The following SYNCRIP variants were observed in gnomAD, a reference collection of about 807,000 sequenced individuals.
SYNCRIP encodes synaptotagmin binding cytoplasmic RNA interacting protein, also known as heterogeneous nuclear ribonucleoprotein Q.
Under a neutral mutation model 68.9 loss-of-function variants are expected in SYNCRIP, and 9 were observed. The ratio of observed to expected loss-of-function variants is 0.13; its 90% confidence interval spans 0.08 to 0.23. The LOEUF (loss-of-function observed/expected upper bound fraction) is 0.23. Ranked by LOEUF, SYNCRIP falls within the 10% of genes least tolerant of loss-of-function variation. The pLI is 1.00. For missense variants in SYNCRIP, 414 were observed against 770.6 expected, an observed-to-expected ratio of 0.54 and a Z score of 5.48; for synonymous variants, 258 against 254.0, an observed-to-expected ratio of 1.02 and a Z score of -0.15.
At chr6:85,637,585 C>T (rs1242509133) in intron 4 of SYNCRIP, among the ~76,000 whole-genome samples, 1 of 152,204 alleles carries the variant, frequency 6.6e-6, no homozygotes, top group Non-Finnish European at 1.5e-5. Context: ...CTAGTCTCCA[C>T]TTAATTACTG....
In SYNCRIP at chr6:85,614,984, G is replaced by A. The variant is rs555193893; in HGVS notation, c.1644C>T (p.Arg548=). Reference sequence around the variant, plus strand: ...GGCCACCCCTCGCACCACGTACCCCGCGGCCTCTTTGTTGTTGGGCACCTC... The same window carrying A: ...GGCCACCCCTCGCACCACGTACCCCACGGCCTCTTTGTTGTTGGGCACCTC... ...ARGGAQQQRG[R]GVRGARGGRG... The change falls in exon 11 of 11, where the codon CGC becomes CGT. Residue 548 remains arginine (R), a synonymous_variant. Transcript: ENST00000369622. The A allele has an allele frequency of 5.5e-5, 89 of 1,613,386 alleles. 4 individuals carry two copies. In the South Asian group the frequency reaches 8.5e-4, roughly 15 times the overall value.
At chr6:85,618,388 AAC>A (rs970411441) in intron 10 of SYNCRIP, among the ~76,000 whole-genome samples, 11 of 151,850 alleles carry the variant, frequency 7.2e-5, no homozygotes, top group Non-Finnish European at 1.6e-4. Flanking sequence ...TAAAAAAAAA[AAC>A]ACAAAAATTA....
downstream of SYNCRIP, among the ~76,000 whole-genome samples, chr6:85,613,490 G>A (rs1805423996): frequency 6.6e-6 from 1 of 152,110 alleles, no homozygotes; most frequent in African/African-American, 2.4e-5. Flanking sequence ...TGTTGACCTA[G>A]AGTCTGTCCC....
intron 4 of SYNCRIP, among the ~76,000 whole-genome samples, chr6:85,638,856 C>G (rs1439097872): frequency 6.6e-6 from 1 of 152,162 alleles, no homozygotes; most frequent in African/African-American, 2.4e-5. Context: ...AACTTATTCC[C>G]TCTGTCAAAC....
At position 85,614,499 on chromosome 6, in the gene SYNCRIP, T is replaced by A; in HGVS notation, c.*257A>T. The A allele has an allele frequency of 8.6e-7, 1 of 1,168,898 alleles. No homozygotes were observed. The highest frequency in any genetic ancestry group is 1.1e-6 in the Non-Finnish European group (1 of 947,826). 72.4% of individuals were successfully genotyped at this position (1,168,898 alleles called of 1,614,324 possible). A position where few individuals can be genotyped will look rare whatever the true frequency, so the allele number is the denominator to read the frequency against. ...AGCCAAATGGACTTGAGCCAAATTTTCTCAAGCACAAATGCAAACTCATTA... is the reference window on the plus strand; with the variant it reads ...AGCCAAATGGACTTGAGCCAAATTTACTCAAGCACAAATGCAAACTCATTA... On this transcript the variant is annotated 3_prime_UTR_variant, in exon 11 of 11. Coordinates refer to ENST00000369622, the MANE Select transcript of SYNCRIP (RefSeq NM_006372.5).
chr6:85,636,948 G>C lies in SYNCRIP; in HGVS notation c.666+19C>G. ...AGACAGTGAACGTGAAAACTGAAGG[G>C]GAAAAAAGGACAACTTACCAGTTTA... On this transcript the variant is annotated intron_variant, in intron 6 of 10. Coordinates refer to ENST00000369622, the MANE Select transcript of SYNCRIP (RefSeq NM_006372.5). 1 of 1,568,302 alleles carries C rather than the reference G, an allele frequency of 6.4e-7. No individual in the cohort carries two copies. Among genetic ancestry groups the C allele is most frequent in the Non-Finnish European group, 8.6e-7 (1 of 1,161,570 alleles).
chr6:85,630,033 G>A (rs1007009207), intron 6 of SYNCRIP, among the ~76,000 whole-genome samples: 1 of 151,498 alleles, frequency 6.6e-6, no homozygotes, highest in East Asian at 1.9e-4. Flanking sequence ...TAACCAATCT[G>A]GTGACTAAAA....
chr6:85,627,410 AT>A, intron 6 of SYNCRIP, among the ~76,000 whole-genome samples: 1 of 152,314 alleles, frequency 6.6e-6, no homozygotes, highest in Middle Eastern at 3.4e-3. Context: ...GTACCTAGAA[AT>A]TAACATTTCC....
intron 2 of SYNCRIP, 120 bp downstream of exon 2, chr6:85,641,172 A>C: frequency 1.3e-6 from 1 of 743,912 alleles, no homozygotes; most frequent in Non-Finnish European, 2.2e-6. Flanking sequence ...CAACTATCAC[A>C]ACAAGCAAAA....
chr6:85,614,688 C>A lies in SYNCRIP; in HGVS notation c.*68G>T, dbSNP rs1477797780. On this transcript the variant is annotated 3_prime_UTR_variant, in exon 11 of 11. Coordinates refer to ENST00000369622, the MANE Select transcript of SYNCRIP (RefSeq NM_006372.5). ...CAGATGTCACAAATTATAGCGGCACCCGTTCAGATTTAGGGTGAGTTTCTG... is the reference window on the plus strand; with the variant it reads ...CAGATGTCACAAATTATAGCGGCACACGTTCAGATTTAGGGTGAGTTTCTG... The A allele has an allele frequency of 2.0e-6, 3 of 1,475,138 alleles. No individual in the cohort carries two copies. 91.4% of individuals were successfully genotyped at this position (1,475,138 alleles called of 1,614,324 possible).
chr6:85,615,748 T>C (rs577443822), intron 10 of SYNCRIP, among the ~76,000 whole-genome samples: 1 of 152,318 alleles, frequency 6.6e-6, no homozygotes, highest in African/African-American at 2.4e-5. Context: ...TGGCGGAGGC[T>C]GCAGTAAGCC....
intron 6 of SYNCRIP, 49 bp from the exon 7 acceptor site, chr6:85,624,161 G>C (rs141174716): frequency 1.7e-5 from 26 of 1,545,852 alleles, no homozygotes; most frequent in Non-Finnish European, 2.2e-5. Flanking sequence ...TATACAACTA[G>C]AACAGTTAAT....
intron 6 of SYNCRIP, among the ~76,000 whole-genome samples, chr6:85,624,411 C>T (rs1806800127): frequency 6.6e-6 from 1 of 152,132 alleles, no homozygotes; most frequent in East Asian, 1.9e-4. Context: ...TAAGTTCATC[C>T]CATCAACCAG....
intron 8 of SYNCRIP, among the ~76,000 whole-genome samples, chr6:85,621,203 G>C (rs1806344719): frequency 6.6e-6 from 1 of 152,114 alleles, no homozygotes; most frequent in South Asian, 2.1e-4. Context: ...TCTTCTCTAA[G>C]ACCACTTATC....
Position 85,626,060 on chromosome 6 carries a change from C to A in SYNCRIP, c.667-1948G>T, listed in dbSNP as rs1444000043. ...GCAGTGCTGAGGTTAAAAACTCCTG[C>A]CATATACTTTGTTTTCTCATATAGC... On this transcript the variant is annotated intron_variant, in intron 6 of 10. Coordinates refer to ENST00000369622, the MANE Select transcript of SYNCRIP (RefSeq NM_006372.5). 3.9e-5 allele frequency among the ~76,000 whole-genome samples: 6 copies of A among 152,178 alleles called. No homozygotes were observed. In the South Asian group the frequency reaches 1.2e-3, roughly 32 times the overall value.
upstream of SYNCRIP, chr6:85,643,233 ACGCTCCCT>A (rs1262065451): frequency 2.8e-5 from 4 of 144,920 alleles, no homozygotes; most frequent in African/African-American, 1.0e-4. Context: ...TCTGGCTCGC[ACGCTCCCT>A]CACTCCCTCC....
chr6:85,631,515 C>CA (rs755555945), intron 6 of SYNCRIP, among the ~76,000 whole-genome samples: 2 of 152,042 alleles, frequency 1.3e-5, no homozygotes, highest in African/African-American at 2.4e-5. Flanking sequence ...ATATAAAGGG[C>CA]AACAGAAGGC....
In SYNCRIP at chr6:85,641,501, C is replaced by T. The variant is rs548451083; in HGVS notation, c.-12-50G>A. The T allele has an allele frequency of 4.5e-6, 7 of 1,560,328 alleles. No homozygotes were observed. The East Asian group carries it at 1.6e-4, about 35-fold the overall frequency. Reference sequence around the variant, plus strand: ...TAAACTAGGATCTTCAAAAAGAATACAAGACAATATGAGAGCCCCATCTTT... The same window carrying T: ...TAAACTAGGATCTTCAAAAAGAATATAAGACAATATGAGAGCCCCATCTTT... On this transcript the variant is annotated intron_variant, in intron 1 of 10. Transcript: ENST00000369622.
chr6:85,640,681 A>ATC, intron 2 of SYNCRIP, 117 bp from the exon 3 acceptor site: 1 of 539,074 alleles, frequency 1.9e-6, no homozygotes, highest in Non-Finnish European at 3.1e-6. Flanking sequence ...CCCCTCATCT[A>ATC]TACCTGAAAA....
Sources: allele counts gnomAD v4.1 joint callset (sites outside exome capture counted in the v4.1 genomes callset), GRCh38; gene constraint gnomAD v4.1.1; transcripts MANE v1.5; gene names NCBI Gene and HGNC (gene_info 2026-07-23, HGNC 2026-07-21).